AFF1: variants seen among roughly 807,000 people sequenced by gnomAD.
The protein encoded by AFF1 is ALF transcription elongation factor 1.
Under a neutral mutation model 121.7 loss-of-function variants are expected in AFF1, and 48 were observed. The ratio of observed to expected loss-of-function variants is 0.39; its 90% confidence interval spans 0.31 to 0.50. The LOEUF is 0.50. Ranked by LOEUF, AFF1 falls within the 20% of genes least tolerant of loss-of-function variation. The pLI, the probability that AFF1 is intolerant of heterozygous loss-of-function variation, is 0.76. For synonymous variants in AFF1, 613 were observed against 563.0 expected, an observed-to-expected ratio of 1.09 and a Z score of -1.26; for missense variants, 1,523 against 1,511.7, an observed-to-expected ratio of 1.01 and a Z score of -0.12.
chr4:87,103,867 A>G, intron 8 of AFF1, among the ~76,000 whole-genome samples: 1 of 152,220 alleles, frequency 6.6e-6, no homozygotes, highest in South Asian at 2.1e-4. Context: ...CCTAGTAACT[A>G]AGAAAGAGGT....
chr4:87,084,299 G>A, intron 5 of AFF1, 135 bp downstream of exon 5: 1 of 909,482 alleles, frequency 1.1e-6, no homozygotes, highest in Non-Finnish European at 1.7e-6. Context: ...AGCACTTTGG[G>A]AGGCCAAGGT....
intron 2 of AFF1, among the ~76,000 whole-genome samples, chr4:86,953,942 C>A (rs918399578): frequency 7.9e-5 from 12 of 152,136 alleles, no homozygotes; most frequent in African/African-American, 2.4e-4. Context: ...AACTCCTGAC[C>A]TTAGGTGATC....
chr4:87,033,580 C>T (rs1250949545), intron 2 of AFF1, among the ~76,000 whole-genome samples: 1 of 152,162 alleles, frequency 6.6e-6, no homozygotes, highest in East Asian at 1.9e-4. Flanking sequence ...TACATTTGAT[C>T]TCTTATGGGC....
At chr4:87,051,867 C>T (rs767501298) in intron 4 of AFF1, among the ~76,000 whole-genome samples, 3 of 152,078 alleles carry the variant, frequency 2.0e-5, no homozygotes, top group African/African-American at 7.2e-5. Context: ...GTCTCATAGA[C>T]CATCTATTCT....
intron 2 of AFF1, among the ~76,000 whole-genome samples, chr4:87,033,737 G>T (rs1247465966): frequency 6.6e-6 from 1 of 152,088 alleles, no homozygotes; most frequent in Admixed American, 6.5e-5. Context: ...CTTGTTTTCT[G>T]TGTGGGACTT....
chr4:86,983,054 T>C (rs1723904635), intron 2 of AFF1, among the ~76,000 whole-genome samples: 1 of 152,082 alleles, frequency 6.6e-6, no homozygotes, highest in Admixed American at 6.6e-5. Context: ...TTTTAGTGTT[T>C]TGTTTTATAA....
intron 20 of AFF1, among the ~76,000 whole-genome samples, chr4:87,134,989 A>G (rs1232513283): frequency 6.6e-6 from 1 of 152,234 alleles, no homozygotes; most frequent in Non-Finnish European, 1.5e-5. Context: ...CTGAAATGCT[A>G]GCTGAAAGGC....
At chr4:87,062,472 G>T (rs1035867374) in intron 4 of AFF1, among the ~76,000 whole-genome samples, 5 of 152,164 alleles carry the variant, frequency 3.3e-5, no homozygotes, top group Non-Finnish European at 7.3e-5. Flanking sequence ...TAGGAACTTT[G>T]GAGAGACACA....
intron 2 of AFF1, among the ~76,000 whole-genome samples, chr4:86,986,175 C>A (rs183537024): frequency 1.1e-4 from 17 of 152,120 alleles, no homozygotes; most frequent in Non-Finnish European, 2.4e-4. Flanking sequence ...TGGGTTCAAG[C>A]GATCTTGTGC....
At chr4:86,956,831 G>A (rs1721776419) in intron 2 of AFF1, among the ~76,000 whole-genome samples, 1 of 152,134 alleles carries the variant, frequency 6.6e-6, no homozygotes, top group Non-Finnish European at 1.5e-5. Flanking sequence ...TGGACATTTA[G>A]GTAGTATCCA....
At chr4:87,037,448 A>C (rs1017549086) in intron 2 of AFF1, among the ~76,000 whole-genome samples, 2 of 152,032 alleles carry the variant, frequency 1.3e-5, no homozygotes, top group African/African-American at 4.8e-5. Context: ...AGTAGCTGGG[A>C]TTACAGGCAC....
chr4:87,046,638 G>T, intron 3 of AFF1, 57 bp from the exon 4 acceptor site: 2 of 1,528,384 alleles, frequency 1.3e-6, no homozygotes, highest in Non-Finnish European at 1.8e-6. Context: ...AACGTGGTTT[G>T]TTAAATGGTA....
At chr4:87,034,964 C>T (rs1401090426) in intron 2 of AFF1, among the ~76,000 whole-genome samples, 3 of 152,120 alleles carry the variant, frequency 2.0e-5, no homozygotes, top group African/African-American at 4.8e-5. Context: ...AAGGAACCCT[C>T]GGAATAGTCT....
At position 87,043,506 on chromosome 4, in the gene AFF1, C is replaced by T. The variant is rs77941570; in HGVS notation, c.39-2660C>T. Among the ~76,000 whole-genome samples, 391 of 152,254 alleles carry T rather than the reference C, an allele frequency of 2.6e-3. 5 individuals carry two copies. Among genetic ancestry groups the T allele is most frequent in the African/African-American group, 8.2e-3 (340 of 41,530 alleles). ...GGCTTCTATGGTTATATGCTAATGGCATATGATCTTTTGAACCAACAAGAG... is the reference window on the plus strand; with the variant it reads ...GGCTTCTATGGTTATATGCTAATGGTATATGATCTTTTGAACCAACAAGAG... On this transcript the variant is annotated intron_variant, in intron 2 of 20. Transcript: ENST00000395146.
chr4:87,112,713 C>T (rs952732287), intron 11 of AFF1, among the ~76,000 whole-genome samples: 6 of 152,164 alleles, frequency 3.9e-5, no homozygotes, highest in East Asian at 3.9e-4. Flanking sequence ...TTCCATCTAC[C>T]GGAGTGTTCT....
At chr4:87,060,454 G>GA (rs1720623740) in intron 4 of AFF1, among the ~76,000 whole-genome samples, 1 of 152,030 alleles carries the variant, frequency 6.6e-6, no homozygotes, top group Non-Finnish European at 1.5e-5. Flanking sequence ...GCTATTGAAG[G>GA]AATCACTTTT....
intron 2 of AFF1, among the ~76,000 whole-genome samples, chr4:87,043,869 A>T (rs1329454280): frequency 1.3e-5 from 2 of 151,362 alleles, no homozygotes; most frequent in African/African-American, 2.4e-5. Context: ...CCCCGGCTGG[A>T]GTACAGTGGT....
At chr4:87,114,330 G>A in intron 11 of AFF1, 37 bp from the exon 12 acceptor site, 1 of 1,524,432 alleles carries the variant, frequency 6.6e-7, no homozygotes. Context: ...TGTCATCAAT[G>A]GTCAGTTAAC....
chr4:86,939,954 C>T (rs1338099636), intron 1 of AFF1, among the ~76,000 whole-genome samples: 1 of 152,220 alleles, frequency 6.6e-6, no homozygotes, highest in African/African-American at 2.4e-5. Flanking sequence ...CTGAGTCAGA[C>T]AGCTTGGGTT....
Sources: allele counts gnomAD v4.1 joint callset (sites outside exome capture counted in the v4.1 genomes callset), GRCh38; gene constraint gnomAD v4.1.1; transcripts MANE v1.5; gene names NCBI Gene and HGNC (gene_info 2026-07-23, HGNC 2026-07-21).